SARDH: variants seen among roughly 807,000 people sequenced by gnomAD.
The protein encoded by SARDH is sarcosine dehydrogenase, also known as sarcosine dehydrogenase, mitochondrial.
In SARDH, 95 loss-of-function variants were observed where a neutral mutation model predicts 109.1. The observed-to-expected ratio is 0.87, with a 90% CI of 0.74 to 1.03. The LOEUF (loss-of-function observed/expected upper bound fraction) is 1.03. Among genes scored for constraint, SARDH ranks in the 50% least tolerant of loss-of-function variants. The pLI, the probability that SARDH is intolerant of heterozygous loss-of-function variation, is 0.00. For synonymous variants in SARDH, 572 were observed against 534.8 expected (o/e 1.07, Z -0.96); for missense variants, 1,267 against 1,287.8 (o/e 0.98, Z 0.25).
intron 17 of SARDH, among the ~76,000 whole-genome samples, chr9:133,673,269 G>A (rs972515922): frequency 3.7e-4 from 57 of 152,254 alleles, no homozygotes; most frequent in Non-Finnish European, 1.6e-4. Context: ...CCAGTAACTG[G>A]AGTCTGCGTC....
chr9:133,665,853 G>A (rs1413791861), intron 20 of SARDH, among the ~76,000 whole-genome samples: 1 of 152,218 alleles, frequency 6.6e-6, no homozygotes, highest in Non-Finnish European at 1.5e-5. Flanking sequence ...TCCATCAGGG[G>A]CTCAGGCTGG....
chr9:133,689,209 C>T (rs1831004206), intron 16 of SARDH, among the ~76,000 whole-genome samples: 1 of 151,584 alleles, frequency 6.6e-6, no homozygotes, highest in African/African-American at 2.4e-5. Context: ...TCCTCCTCTC[C>T]TTTCCCATCC....
At chr9:133,674,258 A>G (rs535238401) in intron 17 of SARDH, among the ~76,000 whole-genome samples, 126 of 152,254 alleles carry the variant, frequency 8.3e-4, no homozygotes, top group Admixed American at 1.8e-3. Context: ...GGGTGGGAAC[A>G]GCGTCTCCCA....
At chr9:133,731,183 TG>T in intron 4 of SARDH, 121 bp downstream of exon 4, 1 of 1,313,746 alleles carries the variant, frequency 7.6e-7, no homozygotes, top group Non-Finnish European at 1.0e-6. Context: ...AGGTCCTCAC[TG>T]GCCCAAAGTC....
chr9:133,667,309 G>C (rs531730524), intron 19 of SARDH, among the ~76,000 whole-genome samples: 35 of 149,948 alleles, frequency 2.3e-4, no homozygotes, highest in Non-Finnish European at 4.0e-4. Context: ...TGGGATTACA[G>C]GCACCCACCA....
At chr9:133,706,573 G>A (rs937982038) in intron 11 of SARDH, among the ~76,000 whole-genome samples, 1 of 152,332 alleles carries the variant, frequency 6.6e-6, no homozygotes, top group Non-Finnish European at 1.5e-5. Flanking sequence ...CCACTGAATT[G>A]TACACTTTAG....
chr9:133,696,202 C>T (rs1588415701), intron 14 of SARDH, 21 bp downstream of exon 14: 2 of 1,612,624 alleles, frequency 1.2e-6, no homozygotes, highest in Admixed American at 1.7e-5. Flanking sequence ...GGAACATGCC[C>T]CCCAACCTCA....
intron 12 of SARDH, 111 bp from the exon 13 acceptor site, chr9:133,703,140 C>G (rs367823367): frequency 2.2e-6 from 2 of 916,560 alleles, no homozygotes; most frequent in African/African-American, 3.3e-5. Flanking sequence ...GCCCTGCCCT[C>G]GGAGAGCCCT....
Position 133,693,702 on chromosome 9 carries a change from C to T in SARDH, c.1921+556G>A, listed in dbSNP as rs577126330. Among the ~76,000 whole-genome samples, 5 of 152,272 alleles carry T rather than the reference C, an allele frequency of 3.3e-5. No individual in the cohort carries two copies. Among genetic ancestry groups the T allele is most frequent in the South Asian group, 4.2e-4 (2 of 4,814 alleles). ...GGACAAGAGGCAGGTCCTGGCTCTGCGTAACAGTTGGGGCTGAGCAAACAA... is the reference window on the plus strand; with the variant it reads ...GGACAAGAGGCAGGTCCTGGCTCTGTGTAACAGTTGGGGCTGAGCAAACAA... On this transcript the variant is annotated intron_variant, in intron 15 of 20. Transcript: ENST00000439388. The surrounding 1 kb of genome is among the most constrained non-coding windows in gnomAD (Gnocchi z 5.6).
chr9:133,727,679 C>A (rs1832538834), intron 6 of SARDH, among the ~76,000 whole-genome samples: 1 of 152,130 alleles, frequency 6.6e-6, no homozygotes, highest in Non-Finnish European at 1.5e-5. Flanking sequence ...TTTCTCCTAC[C>A]AGGTCTCAGA....
chr9:133,672,503 G>A (rs767631882), intron 17 of SARDH, among the ~76,000 whole-genome samples: 31 of 152,312 alleles, frequency 2.0e-4, no homozygotes, highest in Non-Finnish European at 3.5e-4. Context: ...TCTGAGACAC[G>A]TCTGCGAGGA....
chr9:133,690,872 G>A (rs541678496), intron 15 of SARDH, among the ~76,000 whole-genome samples: 6 of 152,208 alleles, frequency 3.9e-5, no homozygotes, highest in African/African-American at 7.2e-5. Context: ...GCGGCTCACC[G>A]GCCTTGCTTC....
chr9:133,715,502 C>T (rs1832086745), intron 8 of SARDH, among the ~76,000 whole-genome samples: 1 of 152,156 alleles, frequency 6.6e-6, no homozygotes, highest in Admixed American at 6.5e-5. Flanking sequence ...ATCTGCTTCT[C>T]CCCGGGGCTG....
chr9:133,667,483 A>T (rs1830116637), intron 19 of SARDH, among the ~76,000 whole-genome samples: 1 of 151,766 alleles, frequency 6.6e-6, no homozygotes, highest in Admixed American at 6.6e-5. Flanking sequence ...TTTTTTTTAT[A>T]GTACAATACA....
At chr9:133,685,338 T>G in intron 16 of SARDH, 52 bp from the exon 17 acceptor site, 3 of 1,537,684 alleles carry the variant, frequency 2.0e-6, no homozygotes, top group South Asian at 2.4e-5. Flanking sequence ...GGGTGGGGCC[T>G]GGGCAGGAAA....
chr9:133,704,906 G>A lies in SARDH; in HGVS notation c.1554+42C>T, dbSNP rs1035900321. On this transcript the variant is annotated intron_variant, in intron 12 of 20. Transcript: ENST00000439388. This position sits in a 1 kb window ranked among gnomAD's most constrained non-coding sequence, Gnocchi z 4.5. Reference sequence around the variant, plus strand: ...CGTGGAGGGGCAAGGGGGTTGTCAGGGCAGGGCCTCCCAGCAGCACAGCCC... The same window carrying A: ...CGTGGAGGGGCAAGGGGGTTGTCAGAGCAGGGCCTCCCAGCAGCACAGCCC... 5 of 1,522,486 alleles carry A rather than the reference G, an allele frequency of 3.3e-6. No individual in the cohort carries two copies. In the African/African-American group the frequency reaches 6.9e-5, roughly 21 times the overall value. The allele number at this position is 1,522,486 out of a possible 1,614,324, so 94.3% of individuals were successfully genotyped here. A position where few individuals can be genotyped will look rare whatever the true frequency, so the allele number is the denominator to read the frequency against.
At chr9:133,705,478 A>G (rs1371272248) in intron 11 of SARDH, among the ~76,000 whole-genome samples, 1 of 146,276 alleles carries the variant, frequency 6.8e-6, no homozygotes, top group African/African-American at 2.6e-5. Context: ...CTATAGAATT[A>G]CCACCTGCCC....
chr9:133,664,943 G>C (rs563139994), intron 20 of SARDH, among the ~76,000 whole-genome samples: 1 of 152,152 alleles, frequency 6.6e-6, no homozygotes, highest in Non-Finnish European at 1.5e-5. Context: ...AGATACCTAC[G>C]AGGCAGAAAC....
rs140670383 is a variant in SARDH, at chr9:133,709,394, G to A, written c.1329-966C>T. ...GCTGGAGTGAGACCCGGGCCCAGCTGCATCAGGGCCCTGCAGCCGCCTCCC... is the reference window on the plus strand; with the variant it reads ...GCTGGAGTGAGACCCGGGCCCAGCTACATCAGGGCCCTGCAGCCGCCTCCC... On this transcript the variant is annotated intron_variant, in intron 10 of 20. Transcript: ENST00000439388. The surrounding 1 kb of genome is among the most constrained non-coding windows in gnomAD (Gnocchi z 4.2). 2.8e-4 allele frequency among the ~76,000 whole-genome samples: 42 copies of A among 152,248 alleles called. No homozygotes were observed. The highest frequency in any genetic ancestry group is 1.0e-3 in the African/African-American group (42 of 41,550).
Sources: gnomAD v4.1 joint callset for allele counts (sites outside exome capture counted in the v4.1 genomes callset) on GRCh38, gnomAD v4.1.1 for gene constraint, Gnocchi (gnomAD v3.1) non-coding constraint, MANE v1.5 for transcripts, NCBI Gene and HGNC (gene_info 2026-07-23, HGNC 2026-07-21) for gene names.